GPC1: variants seen among roughly 807,000 people sequenced by gnomAD.
GPC1 encodes glypican 1.
GPC1 carries 26 observed loss-of-function variants against 51.5 expected under a neutral mutation model. The ratio of observed to expected loss-of-function variants is 0.50; its 90% confidence interval spans 0.37 to 0.70. GPC1 has a LOEUF of 0.70. Ranked by LOEUF, GPC1 falls within the 30% of genes least tolerant of loss-of-function variation. The pLI, the probability that GPC1 is intolerant of heterozygous loss-of-function variation, is 0.00. For synonymous variants in GPC1, 380 were observed against 348.3 expected, an observed-to-expected ratio of 1.09 and a Z score of -1.01; for missense variants, 775 against 800.5, an observed-to-expected ratio of 0.97 and a Z score of 0.38.
Position 240,462,669 on chromosome 2 carries a change from C to T in GPC1, c.717+87C>T, listed in dbSNP as rs928309517. The stretch of plus-strand genomic sequence containing the variant: ...ACTTCCTCTTCCCCCTACTTTAACC[C>T]TGTGCCCCTGGGCCTCTGGGCCAGC... On this transcript the variant is annotated intron_variant, in intron 3 of 8. Coordinates refer to ENST00000264039, the MANE Select transcript of GPC1 (RefSeq NM_002081.3). 2.1e-5 allele frequency: 27 copies of T among 1,279,012 alleles called. No individual in the cohort carries two copies. In the South Asian group the frequency reaches 3.3e-4, roughly 16 times the overall value. The allele number at this position is 1,279,012 out of a possible 1,614,324, so 79.2% of individuals were successfully genotyped here.
At chr2:240,459,902 C>T (rs760885411) in intron 2 of GPC1, among the ~76,000 whole-genome samples, 9 of 152,210 alleles carry the variant, frequency 5.9e-5, no homozygotes, top group East Asian at 1.9e-4. Context: ...TGGAGGGAGG[C>T]GGCCCGGGCT....
chr2:240,463,162 A>G (rs879829133), intron 3 of GPC1, among the ~76,000 whole-genome samples, 185 bp from the exon 4 acceptor site: 2 of 151,998 alleles, frequency 1.3e-5, no homozygotes, highest in African/African-American at 2.4e-5. Context: ...CGAGATCATT[A>G]AAATGAGGGC....
chr2:240,465,587 G>A lies in GPC1; in HGVS notation c.1383G>A (p.Lys461=). Residue 461 remains lysine, a synonymous_variant, in exon 8 of 9, where the codon AAG becomes AAA. Coordinates refer to ENST00000264039, the MANE Select transcript of GPC1 (RefSeq NM_002081.3). ...MTIRQQIMQL[K]IMTNRLRSAY... is the part of the protein sequence containing the mutation. ...TCCGGCAGCAGATCATGCAGCTGAA[G>A]ATCATGACCAACCGGCTGCGCAGCG... is the stretch of plus-strand genomic sequence containing the variant. The A allele has an allele frequency of 6.2e-7, 1 of 1,613,168 alleles. No homozygotes were observed. The highest frequency in any genetic ancestry group is 8.5e-7 in the Non-Finnish European group (1 of 1,180,000).
intron 2 of GPC1, among the ~76,000 whole-genome samples, chr2:240,461,671 G>A (rs996067796): frequency 2.0e-5 from 3 of 152,162 alleles, no homozygotes; most frequent in Non-Finnish European, 4.4e-5. Flanking sequence ...GAGAAGACAA[G>A]AAGCCTAGGA....
At position 240,466,280 on chromosome 2, in the gene GPC1, G is replaced by T. The variant is rs765222282; in HGVS notation, c.1667G>T (p.Arg556Leu). The T allele has an allele frequency of 6.3e-7, 1 of 1,591,194 alleles. No homozygotes were observed. The highest frequency in any genetic ancestry group is 1.1e-5 in the South Asian group (1 of 90,634). ...CTGGCCCTTACAGTAGCCAGGCCCC[G>T]GTGGCGGTAACTGCCCCAAGGCCCC... ...LFLALTVARP[R>L]WR The change falls in exon 9 of 9, where the codon CGG becomes CTG. Residue 556 changes from arginine (R) to leucine (L), a missense_variant. By Grantham distance (102) the Arg-to-Leu change is moderately radical. Coordinates refer to ENST00000264039, the MANE Select transcript of GPC1 (RefSeq NM_002081.3).
Position 240,466,471 on chromosome 2 carries a change from T to C in GPC1, c.*181T>C. On this transcript the variant is annotated 3_prime_UTR_variant, in exon 9 of 9. Transcript: ENST00000264039. ...GCCTGGCCTCGCCTGCCTTTCTGCC[T>C]TTTAATTTTGTATGAGGTCCTCAGG... 1.7e-6 allele frequency: 1 copy of C among 581,630 alleles called. No homozygotes were observed. Among genetic ancestry groups the C allele is most frequent in the Non-Finnish European group, 3.1e-6 (1 of 326,200 alleles). 36.0% of individuals were successfully genotyped at this position (581,630 alleles called of 1,614,324 possible). A position where few individuals can be genotyped will look rare whatever the true frequency, so the allele number is the denominator to read the frequency against.
In GPC1 at chr2:240,462,509, G is replaced by A. The variant is rs143813409; in HGVS notation, c.644G>A (p.Arg215His). 1.5e-4 allele frequency: 243 copies of A among 1,590,818 alleles called. 1 individual carries two copies. In the African/African-American group the frequency reaches 2.1e-3, roughly 14 times the overall value. The change falls in exon 3 of 9, where the codon CGT (arginine) becomes CAT (histidine). Residue 215 changes from arginine (R) to histidine (H), a missense_variant. By Grantham distance (29) the Arg-to-His change is conservative. Transcript: ENST00000264039. Reference protein sequence around the residue: ...APRELRLRATRAFVAARSFVQ... With the variant: ...APRELRLRATHAFVAARSFVQ... ...AGAGAGCTGCGCCTGCGGGCCACCC[G>A]TGCCTTCGTGGCTGCTCGCTCCTTT...
chr2:240,441,750 C>T (rs553420280), intron 1 of GPC1, among the ~76,000 whole-genome samples: 74 of 152,194 alleles, frequency 4.9e-4, no homozygotes, highest in African/African-American at 1.5e-3. Flanking sequence ...AGTCTCCTGA[C>T]GGGGTGGGGG....
intron 1 of GPC1, among the ~76,000 whole-genome samples, chr2:240,443,988 G>A (rs73102050): frequency 3.3e-5 from 5 of 152,370 alleles, no homozygotes; most frequent in African/African-American, 1.2e-4. Flanking sequence ...GGGTGAGGCT[G>A]GGTCAGAGGA....
chr2:240,445,439 G>A lies in GPC1; in HGVS notation c.166+9355G>A, dbSNP rs553689300. 9.2e-5 allele frequency among the ~76,000 whole-genome samples: 14 copies of A among 152,294 alleles called. No individual in the cohort carries two copies. The South Asian group carries it at 1.2e-3, about 14-fold the overall frequency. ...AAGATGGAGGTGCCCTTCCACAAAC[G>A]CCAGTAGCACCCCCAAGAGAAATAC... is the stretch of plus-strand genomic sequence containing the variant. On this transcript the variant is annotated intron_variant, in intron 1 of 8. Transcript: ENST00000264039.
At position 240,448,619 on chromosome 2, in the gene GPC1, G is replaced by A. The variant is rs1407254452; in HGVS notation, c.167-10411G>A. On this transcript the variant is annotated intron_variant, in intron 1 of 8. Coordinates refer to ENST00000264039, the MANE Select transcript of GPC1 (RefSeq NM_002081.3). This position sits in a 1 kb window ranked among gnomAD's most constrained non-coding sequence, Gnocchi z 4.5. ...GGACCCGCAGGGCCCACAGGAGGTC[G>A]AGGTCGGAGCTCACCTTTGGGGAGG... Among the ~76,000 whole-genome samples the A allele has an allele frequency of 1.6e-4, 11 of 67,472 alleles. No individual in the cohort carries two copies. The highest frequency in any genetic ancestry group is 5.1e-4 in the African/African-American group (8 of 15,558). The allele number at this position is 67,472 out of a possible 152,430, so 44.3% of individuals were successfully genotyped here. A position where few individuals can be genotyped will look rare whatever the true frequency, so the allele number is the denominator to read the frequency against.
Position 240,464,922 on chromosome 2 carries a change from C to G in GPC1, c.1081C>G (p.Arg361Gly). ...QGPGPEEKRR[R>G]GKLAPRERPP... is the part of the protein sequence containing the mutation. The stretch of plus-strand genomic sequence containing the variant: ...CCCCGGGCCTGAGGAGAAGCGGCGC[C>G]GGGGCAAGCTGGCCCCGCGGGAGAG... Residue 361 changes from arginine to glycine, a missense_variant, in exon 6 of 9, where the codon CGG becomes GGG. Physicochemically the swap from Arg to Gly is moderately radical, Grantham distance 125. Transcript: ENST00000264039. The G allele has an allele frequency of 6.4e-7, 1 of 1,551,550 alleles. No individual in the cohort carries two copies. Among genetic ancestry groups the G allele is most frequent in the Non-Finnish European group, 8.7e-7 (1 of 1,147,782 alleles).
At chr2:240,458,347 C>T (rs2074187573) in intron 1 of GPC1, 5 of 273,220 alleles carry the variant, frequency 1.8e-5, no homozygotes, top group Middle Eastern at 2.9e-3. Flanking sequence ...CTGCCTCGGA[C>T]GCTGGAGCAG....
chr2:240,459,296 G>A (rs2151795391), intron 2 of GPC1, 108 bp downstream of exon 2: 3 of 1,070,472 alleles, frequency 2.8e-6, no homozygotes, highest in East Asian at 5.1e-5. Flanking sequence ...GGGATTGGCA[G>A]GAGGAGGTGG....
chr2:240,436,009 A>G lies in GPC1; in HGVS notation c.91A>G (p.Ser31Gly). Reference sequence around the variant, plus strand: ...CGGGGACCCGGCCAGCAAGAGCCGGAGCTGCGGCGAGGTCCGCCAGATCTA... The same window carrying G: ...CGGGGACCCGGCCAGCAAGAGCCGGGGCTGCGGCGAGGTCCGCCAGATCTA... ...ARGDPASKSRSCGEVRQIYGA... is the reference protein window; with the variant it reads ...ARGDPASKSRGCGEVRQIYGA... The change falls in exon 1 of 9, where the codon AGC (serine) becomes GGC (glycine). Residue 31 changes from serine (S) to glycine (G), a missense_variant. By Grantham distance (56) the Ser-to-Gly change is moderately conservative (BLOSUM62 0). Transcript: ENST00000264039. 7.2e-7 allele frequency: 1 copy of G among 1,383,252 alleles called. No homozygotes were observed. The highest frequency in any genetic ancestry group is 1.7e-5 in the South Asian group (1 of 58,670). The allele number at this position is 1,383,252 out of a possible 1,614,324, so 85.7% of individuals were successfully genotyped here. A position where few individuals can be genotyped will look rare whatever the true frequency, so the allele number is the denominator to read the frequency against.
rs767864613 is a variant in GPC1, at chr2:240,462,599, A to G, written c.717+17A>G. 8.6e-6 allele frequency: 13 copies of G among 1,505,498 alleles called. No homozygotes were observed. In the Admixed American group the frequency reaches 1.7e-4, roughly 20 times the overall value. The allele number at this position is 1,505,498 out of a possible 1,614,324, so 93.3% of individuals were successfully genotyped here. A position where few individuals can be genotyped will look rare whatever the true frequency, so the allele number is the denominator to read the frequency against. ...GTGGCTCAGGTGCGCACAGCCACCC[A>G]GGGCTCTCAGAAACCCCTCCAGACC... On this transcript the variant is annotated intron_variant, in intron 3 of 8. Transcript: ENST00000264039.
rs2151788196 is a variant in GPC1 at position 240,448,031 on chromosome 2, G to A, written c.167-10999G>A. 6.6e-6 allele frequency among the ~76,000 whole-genome samples: 1 copy of A among 152,164 alleles called. No homozygotes were observed. Among genetic ancestry groups the A allele is most frequent in the East Asian group, 1.9e-4 (1 of 5,198 alleles). ...AGTTGCTGCCAGGCCATTCTGGGTG[G>A]AACACAGTGTCCCCAGGGCACAGTG... On this transcript the variant is annotated intron_variant, in intron 1 of 8. Coordinates refer to ENST00000264039, the MANE Select transcript of GPC1 (RefSeq NM_002081.3). This position sits in a 1 kb window ranked among gnomAD's most constrained non-coding sequence, Gnocchi z 4.5.
Position 240,465,604 on chromosome 2 carries a change from T to A in GPC1, c.1400T>A (p.Leu467Gln), listed in dbSNP as rs1417222874. Residue 467 changes from leucine to glutamine, a missense_variant, in exon 8 of 9, where the codon CTG (leucine) becomes CAG (glutamine). By Grantham distance (113) the Leu-to-Gln change is moderately radical. Coordinates refer to ENST00000264039, the MANE Select transcript of GPC1 (RefSeq NM_002081.3). ...IMQLKIMTNR[L>Q]RSAYNGNDVD... The stretch of plus-strand genomic sequence containing the variant: ...CAGCTGAAGATCATGACCAACCGGC[T>A]GCGCAGCGCCTACAACGGCAACGAC... 1.9e-6 allele frequency: 3 copies of A among 1,613,024 alleles called. 1 individual carries two copies. The Admixed American group carries it at 5.0e-5, about 27-fold the overall frequency.
At chr2:240,458,820 G>T (rs1424349753) in intron 1 of GPC1, 1 of 563,672 alleles carries the variant, frequency 1.8e-6, no homozygotes, top group Non-Finnish European at 3.2e-6. Flanking sequence ...CTTGTGTCAC[G>T]TGTGGGAAGC....
Sources: gnomAD v4.1 joint callset for allele counts (sites outside exome capture counted in the v4.1 genomes callset) on GRCh38, gnomAD v4.1.1 for gene constraint, Gnocchi (gnomAD v3.1) non-coding constraint, MANE v1.5 for transcripts, NCBI Gene and HGNC (gene_info 2026-07-23, HGNC 2026-07-21) for gene names.